Variants in SCNN1B observed in about 807,000 individuals in gnomAD.
SCNN1B encodes epithelial sodium channel subunit beta.
In SCNN1B, 46 loss-of-function variants were observed where a neutral mutation model predicts 65.3. That is an observed-to-expected ratio of 0.70 (90% CI 0.56 to 0.90). The LOEUF is 0.90. Among genes scored for constraint, SCNN1B ranks in the 40% least tolerant of loss-of-function variants. The probability of loss-of-function intolerance (pLI) is 0.00; values close to 1 mark genes in which losing one functional copy is unlikely to be tolerated. For synonymous variants in SCNN1B, 349 were observed against 330.6 expected, an observed-to-expected ratio of 1.06 and a Z score of -0.60; for missense variants, 751 against 830.5, an observed-to-expected ratio of 0.90 and a Z score of 1.18.
At chr16:23,298,386 C>T (rs534525990), upstream of SCNN1B, among the ~76,000 whole-genome samples, 2 of 152,190 alleles carry the variant, frequency 1.3e-5, no homozygotes, top group Admixed American at 6.5e-5. Flanking sequence ...AGCAAGGCTA[C>T]CCCATGACGG....
At chr16:23,364,090 G>A (rs564911120) in intron 4 of SCNN1B, among the ~76,000 whole-genome samples, 19 of 151,618 alleles carry the variant, frequency 1.3e-4, no homozygotes, top group South Asian at 4.2e-4. Context: ...TCACTTGAAC[G>A]GGGAGGCAGA....
intron 5 of SCNN1B, among the ~76,000 whole-genome samples, chr16:23,369,095 T>A (rs1456975635): frequency 6.6e-6 from 1 of 152,202 alleles, no homozygotes; most frequent in Non-Finnish European, 1.5e-5. Flanking sequence ...TCTCTGCCTC[T>A]CTGGTGTACA....
At chr16:23,280,005 C>T (rs1005472459) in intron 1 of SCNN1B, among the ~76,000 whole-genome samples, 2 of 152,152 alleles carry the variant, frequency 1.3e-5, no homozygotes, top group Non-Finnish European at 2.9e-5. Context: ...GCTAGCACCA[C>T]CGAAATTTTG....
intron 2 of SCNN1B, among the ~76,000 whole-genome samples, chr16:23,287,595 C>T (rs1003853766): frequency 1.3e-5 from 2 of 151,916 alleles, no homozygotes; most frequent in African/African-American, 2.4e-5. Flanking sequence ...CATGATAGCA[C>T]GCACCTGTAG....
At chr16:23,305,324 G>A (rs1961171505) in intron 1 of SCNN1B, among the ~76,000 whole-genome samples, 1 of 151,014 alleles carries the variant, frequency 6.6e-6, no homozygotes. Flanking sequence ...GTTCATATAA[G>A]ACTCCATATT....
At chr16:23,373,492 G>C (rs1307129957) in intron 7 of SCNN1B, among the ~76,000 whole-genome samples, 1 of 152,114 alleles carries the variant, frequency 6.6e-6, no homozygotes, top group Non-Finnish European at 1.5e-5. Flanking sequence ...TTCTCATCCT[G>C]ATCTCCAGAG....
chr16:23,309,294 A>T (rs1033193580), intron 1 of SCNN1B, among the ~76,000 whole-genome samples: 3 of 152,130 alleles, frequency 2.0e-5, no homozygotes, highest in Non-Finnish European at 4.4e-5. Flanking sequence ...TTTCTAGTGA[A>T]GACTGCCCCT....
At chr16:23,367,322 G>C (rs954049682) in intron 4 of SCNN1B, among the ~76,000 whole-genome samples, 3 of 152,054 alleles carry the variant, frequency 2.0e-5, no homozygotes, top group African/African-American at 7.3e-5. Context: ...TTTAGAGACA[G>C]GGTCTCACTC....
chr16:23,279,924 A>G (rs562996887), intron 1 of SCNN1B, among the ~76,000 whole-genome samples: 50 of 152,310 alleles, frequency 3.3e-4, no homozygotes, highest in Non-Finnish European at 6.0e-4. Context: ...TGCATCTGTC[A>G]TGCCTACTAG....
chr16:23,312,220 T>C (rs1429070032), intron 1 of SCNN1B, among the ~76,000 whole-genome samples: 1 of 152,136 alleles, frequency 6.6e-6, no homozygotes, highest in Admixed American at 6.5e-5. Flanking sequence ...TCCTCCCACC[T>C]CGAGCTCACA....
chr16:23,377,046 TCCTGCCAC>T, intron 8 of SCNN1B, 111 bp from the exon 9 acceptor site: 1 of 891,934 alleles, frequency 1.1e-6, no homozygotes, highest in Non-Finnish European at 1.8e-6. Flanking sequence ...TGACACCTCC[TCCTGCCAC>T]CTAACCACAG....
At chr16:23,356,929 C>T (rs775040280) in intron 4 of SCNN1B, among the ~76,000 whole-genome samples, 4 of 152,168 alleles carry the variant, frequency 2.6e-5, no homozygotes, top group Non-Finnish European at 4.4e-5. Flanking sequence ...GGCAGAAGCA[C>T]GTGGGAAGGA....
chr16:23,359,141 A>G (rs1412435437), intron 4 of SCNN1B: 1 of 152,084 alleles, frequency 6.6e-6, no homozygotes, highest in Non-Finnish European at 1.5e-5. Flanking sequence ...GCTGGTCTCA[A>G]ACTCCTGGCC....
chr16:23,295,034 C>T (rs1236413537), intron 2 of SCNN1B, among the ~76,000 whole-genome samples: 1 of 152,034 alleles, frequency 6.6e-6, no homozygotes, highest in East Asian at 1.9e-4. Flanking sequence ...CCACTCCTCT[C>T]CTCTGGCCTG....
At position 23,320,069 on chromosome 16, in the gene SCNN1B, C is replaced by T. The variant is rs1961556376; in HGVS notation, c.-9+17632C>T. Among the ~76,000 whole-genome samples the T allele has an allele frequency of 2.6e-5, 4 of 152,174 alleles. No homozygotes were observed. The South Asian group carries it at 8.3e-4, about 32-fold the overall frequency. On this transcript the variant is annotated intron_variant, in intron 1 of 12. Coordinates refer to ENST00000343070, the MANE Select transcript of SCNN1B (RefSeq NM_000336.3). Reference sequence around the variant, plus strand: ...GCCACGTCTCAAATGTTAACATGCGCATGAGTCACTAGGGGTCTTGTTAAA... The same window carrying T: ...GCCACGTCTCAAATGTTAACATGCGTATGAGTCACTAGGGGTCTTGTTAAA...
In SCNN1B at chr16:23,352,890, C is replaced by A. The variant is rs1226672091; in HGVS notation, c.401C>A (p.Ala134Asp). The change falls in exon 3 of 13, where the codon GCC becomes GAC. Residue 134 changes from alanine to aspartate, a missense_variant. By Grantham distance (126) the Ala-to-Asp change is moderately radical. Transcript: ENST00000343070. The stretch of plus-strand genomic sequence containing the variant: ...ATCCTGGCTCCTGAGCTAAGCCATG[C>A]CAATGCCACCAGGAACCTGAACTTC... ...ERILAPELSHANATRNLNFSI... is the reference protein window; with the variant it reads ...ERILAPELSHDNATRNLNFSI... The A allele has an allele frequency of 6.2e-7, 1 of 1,614,074 alleles. No individual in the cohort carries two copies. The highest frequency in any genetic ancestry group is 8.5e-7 in the Non-Finnish European group (1 of 1,180,040).
intron 1 of SCNN1B, among the ~76,000 whole-genome samples, chr16:23,305,550 ATATATATATATATATATATATATATAT>A (rs1961185573): frequency 1.2e-3 from 45 of 36,508 alleles, no homozygotes; most frequent in African/African-American, 2.9e-3. Context: ...ATATATATAT[ATATATATATATATATATATATATATAT>A]TATATATATA....
intron 2 of SCNN1B, among the ~76,000 whole-genome samples, chr16:23,284,298 G>A (rs550464183): frequency 3.3e-5 from 5 of 152,054 alleles, no homozygotes; most frequent in Admixed American, 2.6e-4. Flanking sequence ...CCAGCTACTC[G>A]GGAGGCTGAG....
chr16:23,355,144 G>T (rs1370730794), intron 3 of SCNN1B, among the ~76,000 whole-genome samples, 155 bp from the exon 4 acceptor site: 2 of 152,206 alleles, frequency 1.3e-5, no homozygotes, highest in Non-Finnish European at 2.9e-5. Context: ...TTGAGCATGT[G>T]TGAGCATGAG....
Sources: allele counts gnomAD v4.1 joint callset (sites outside exome capture counted in the v4.1 genomes callset), GRCh38; gene constraint gnomAD v4.1.1; transcripts MANE v1.5; gene names NCBI Gene and HGNC (gene_info 2026-07-23, HGNC 2026-07-21).